MYO18B: variants seen among roughly 807,000 people sequenced by gnomAD.
MYO18B encodes unconventional myosin-XVIIIb.
Under a neutral mutation model 273.0 loss-of-function variants are expected in MYO18B, and 204 were observed. That is an observed-to-expected ratio of 0.75 (90% CI 0.67 to 0.84). The LOEUF is 0.84. Among genes scored for constraint, MYO18B ranks in the 40% least tolerant of loss-of-function variants. MYO18B has a pLI of 0.00. For missense variants in MYO18B, 3,212 were observed against 3,287.6 expected, an observed-to-expected ratio of 0.98 and a Z score of 0.56; for synonymous variants, 1,330 against 1,305.7, an observed-to-expected ratio of 1.02 and a Z score of -0.40.
chr22:25,816,417 A>G (rs1448648535), intron 12 of MYO18B, among the ~76,000 whole-genome samples: 1 of 152,140 alleles, frequency 6.6e-6, no homozygotes, highest in Non-Finnish European at 1.5e-5. Flanking sequence ...ACATAGGTAT[A>G]CATGTTCCAC....
At chr22:25,831,413 G>A (rs765230110) in intron 15 of MYO18B, among the ~76,000 whole-genome samples, 6 of 152,024 alleles carry the variant, frequency 3.9e-5, no homozygotes, top group Non-Finnish European at 7.4e-5. Context: ...ATGGAGGTTC[G>A]CTCTTGTCGC....
chr22:26,050,002 G>A, the MYO18B span, among the ~76,000 whole-genome samples: 8 of 152,134 alleles, frequency 5.3e-5, no homozygotes, highest in African/African-American at 7.2e-5. Flanking sequence ...AAAGTGATTC[G>A]GAGTCAATGC....
intron 12 of MYO18B, among the ~76,000 whole-genome samples, chr22:25,813,724 T>G (rs2088870077): frequency 1.3e-5 from 2 of 152,204 alleles, no homozygotes; most frequent in Non-Finnish European, 2.9e-5. Context: ...TAAGGGCCCC[T>G]GCACTGGTGC....
intron 22 of MYO18B, among the ~76,000 whole-genome samples, chr22:25,871,564 C>G (rs959664879): frequency 3.3e-5 from 5 of 152,062 alleles, no homozygotes; most frequent in African/African-American, 4.8e-5. Flanking sequence ...GTGGTTTTGT[C>G]CCCCGTGGAT....
At chr22:25,829,080 G>T in intron 15 of MYO18B, 112 bp downstream of exon 15, 1 of 1,219,578 alleles carries the variant, frequency 8.2e-7, no homozygotes, top group Non-Finnish European at 1.1e-6. Context: ...ACCCTGTTTG[G>T]TTCACCAGAG....
chr22:25,790,178 ATAT>A (rs1469943918), intron 11 of MYO18B, among the ~76,000 whole-genome samples: 2 of 152,102 alleles, frequency 1.3e-5, no homozygotes, highest in Admixed American at 6.5e-5. Flanking sequence ...ACTTTCACAA[ATAT>A]TATTTTTAAT....
chr22:26,008,422 A>G (rs759549585), intron 42 of MYO18B, among the ~76,000 whole-genome samples: 6 of 152,210 alleles, frequency 3.9e-5, no homozygotes, highest in Non-Finnish European at 7.3e-5. Flanking sequence ...GGAAGACCCA[A>G]TAAATGAGCC....
chr22:25,987,158 T>A (rs1395131756), intron 39 of MYO18B, among the ~76,000 whole-genome samples: 1 of 151,886 alleles, frequency 6.6e-6, no homozygotes, highest in African/African-American at 2.4e-5. Context: ...CAAATGAGAG[T>A]CTTGTCCATT....
intron 39 of MYO18B, among the ~76,000 whole-genome samples, chr22:25,960,737 G>A (rs1372012300): frequency 1.3e-5 from 2 of 152,116 alleles, no homozygotes; most frequent in Non-Finnish European, 2.9e-5. Flanking sequence ...ATCCCCTCCA[G>A]TCTGGGCTTC....
At chr22:25,987,519 T>C (rs2093215632) in intron 39 of MYO18B, among the ~76,000 whole-genome samples, 1 of 152,188 alleles carries the variant, frequency 6.6e-6, no homozygotes, top group Non-Finnish European at 1.5e-5. Flanking sequence ...ATGTATGCAT[T>C]AGAATGTATA....
rs879686527 is a variant in MYO18B at position 25,947,505 on chromosome 22, C to G, written c.5632-207C>G. Among the ~76,000 whole-genome samples the G allele has an allele frequency of 7.1e-3, 962 of 135,074 alleles. 6 individuals carry two copies. Among genetic ancestry groups the G allele is most frequent in the South Asian group, 0.016 (73 of 4,510 alleles). 88.6% of individuals were successfully genotyped at this position (135,074 alleles called of 152,430 possible). On this transcript the variant is annotated intron_variant, in intron 35 of 43. Coordinates refer to ENST00000335473, the MANE Select transcript of MYO18B (RefSeq NM_032608.7). Reference sequence around the variant, plus strand: ...TGCCTAATACACACACACACACACACACACACACACACACACACACACACA... The same window carrying G: ...TGCCTAATACACACACACACACACAGACACACACACACACACACACACACA...
chr22:25,787,216 G>GA (rs938219792), intron 11 of MYO18B, among the ~76,000 whole-genome samples: 8 of 146,232 alleles, frequency 5.5e-5, no homozygotes, highest in Non-Finnish European at 9.0e-5. Flanking sequence ...CTCTGTCTCA[G>GA]AAAAAAAAAG....
At chr22:25,994,879 A>G (rs1264564887) in intron 40 of MYO18B, among the ~76,000 whole-genome samples, 1 of 152,270 alleles carries the variant, frequency 6.6e-6, no homozygotes, top group Non-Finnish European at 1.5e-5. Context: ...TGGCCAGTAC[A>G]CAAAATGTTT....
intron 42 of MYO18B, among the ~76,000 whole-genome samples, chr22:26,017,998 C>A (rs1935516936): frequency 9.7e-6 from 1 of 103,440 alleles, no homozygotes; most frequent in African/African-American, 3.8e-5. Context: ...TTTGCGGGGG[C>A]AGGGGGTGTA....
At chr22:25,855,319 T>C (rs1206630738) in intron 21 of MYO18B, among the ~76,000 whole-genome samples, 1 of 148,594 alleles carries the variant, frequency 6.7e-6, no homozygotes, top group African/African-American at 2.5e-5. Flanking sequence ...AGTCTTGCTT[T>C]GTTGCCCAGG....
rs370207734 is a variant in MYO18B, at chr22:25,828,975, C to T, written c.2979+7C>T. The T allele has an allele frequency of 8.1e-6, 13 of 1,613,414 alleles. No homozygotes were observed. Among genetic ancestry groups the T allele is most frequent in the Non-Finnish European group, 1.1e-5 (13 of 1,179,680 alleles). On this transcript the variant is annotated splice_region_variant and intron_variant, in intron 15 of 43. Coordinates refer to ENST00000335473, the MANE Select transcript of MYO18B (RefSeq NM_032608.7). ...GCTACAGCGATATCAAGAGGTATGC[C>T]TGGGCTGGAGCAGGGCTTTCACCAG...
At chr22:25,785,998 A>C (rs879471749) in intron 11 of MYO18B, among the ~76,000 whole-genome samples, 3 of 152,180 alleles carry the variant, frequency 2.0e-5, no homozygotes, top group Non-Finnish European at 4.4e-5. Context: ...TTCCTGATGA[A>C]TATAGTCTAT....
intron 25 of MYO18B, among the ~76,000 whole-genome samples, chr22:25,889,550 T>A (rs2091599480): frequency 8.0e-6 from 1 of 124,844 alleles, no homozygotes; most frequent in Admixed American, 8.7e-5. Flanking sequence ...GCACCCTACC[T>A]CTTTCTTTTT....
At chr22:25,916,858 C>T (rs2092268633) in intron 33 of MYO18B, among the ~76,000 whole-genome samples, 1 of 152,054 alleles carries the variant, frequency 6.6e-6, no homozygotes. Flanking sequence ...ATGGTGAAAC[C>T]CTGTCTCTGC....
Sources: gnomAD v4.1 joint callset for allele counts (sites outside exome capture counted in the v4.1 genomes callset) on GRCh38, gnomAD v4.1.1 for gene constraint, MANE v1.5 for transcripts, NCBI Gene and HGNC (gene_info 2026-07-23, HGNC 2026-07-21) for gene names.